The following IFT25 variants were observed in gnomAD, a reference collection of about 807,000 sequenced individuals.
The protein encoded by IFT25 is intraflagellar transport protein 25 homolog.
At chr1:53,917,178 CA>C in the IFT25 span, 4,457 of 143,794 alleles carry the variant, frequency 0.031, 151 homozygotes, top group African/African-American at 0.094. Context: ...GACTCCATCT[CA>C]AAAAAAAAAA....
chr1:53,926,750 T>C, the IFT25 span, among the ~76,000 whole-genome samples: 3 of 150,666 alleles, frequency 2.0e-5, no homozygotes, highest in South Asian at 6.3e-4. Flanking sequence ...AGAGATGGGG[T>C]CTTGCTCTGT....
Sources: allele counts gnomAD v4.1 joint callset (sites outside exome capture counted in the v4.1 genomes callset), GRCh38; gene constraint gnomAD v4.1.1; transcripts MANE v1.5; gene names NCBI Gene and HGNC (gene_info 2026-07-23, HGNC 2026-07-21).